Variants in DOCK3 observed in about 807,000 individuals in gnomAD.
DOCK3 encodes the protein dedicator of cytokinesis protein 3.
Under a neutral mutation model 265.6 loss-of-function variants are expected in DOCK3, and 60 were observed. The observed-to-expected ratio is 0.23, with a 90% CI of 0.18 to 0.28. The LOEUF is 0.28. DOCK3 is among the 10% of genes least tolerant of loss of function. DOCK3 has a pLI of 1.00. For synonymous variants in DOCK3, 881 were observed against 938.0 expected (o/e 0.94, Z 1.11); for missense variants, 1,981 against 2,594.3 (o/e 0.76, Z 5.14).
At chr3:51,074,244 C>T (rs1248249595) in intron 6 of DOCK3, among the ~76,000 whole-genome samples, 1 of 152,168 alleles carries the variant, frequency 6.6e-6, no homozygotes. Context: ...ATAATGAACA[C>T]ACACACAAAC....
chr3:51,297,532 A>G (rs1229190758), intron 27 of DOCK3, among the ~76,000 whole-genome samples: 2 of 152,196 alleles, frequency 1.3e-5, no homozygotes, highest in Non-Finnish European at 2.9e-5. Flanking sequence ...TTGAATAGAC[A>G]TTTCCCCAGA....
At chr3:50,789,528 T>C (rs879941042) in intron 2 of DOCK3, among the ~76,000 whole-genome samples, 6 of 152,216 alleles carry the variant, frequency 3.9e-5, no homozygotes, top group Admixed American at 3.9e-4. Context: ...CATTGTTTAC[T>C]TGTGGTCTTT....
At chr3:51,066,215 G>A (rs28470684) in intron 6 of DOCK3, among the ~76,000 whole-genome samples, 137,140 of 152,160 alleles carry the variant, frequency 0.9, 61,994 homozygotes, top group African/African-American at 0.95. Context: ...AAAAAAGAAC[G>A]GGGGAAATTC....
intron 21 of DOCK3, among the ~76,000 whole-genome samples, chr3:51,244,224 T>TC (rs1174488952): frequency 6.6e-6 from 1 of 151,714 alleles, no homozygotes; most frequent in Non-Finnish European, 1.5e-5. Flanking sequence ...GGATTTTTTT[T>TC]TTTCTGCAAA....
chr3:51,297,145 C>T (rs1255924975), intron 27 of DOCK3, among the ~76,000 whole-genome samples: 1 of 123,510 alleles, frequency 8.1e-6, no homozygotes, highest in South Asian at 2.8e-4. Context: ...AAAAAATCTA[C>T]ATGTAAAAGA....
chr3:50,929,404 T>C, intron 4 of DOCK3, among the ~76,000 whole-genome samples: 1 of 152,224 alleles, frequency 6.6e-6, no homozygotes, highest in South Asian at 2.1e-4. Context: ...TCCTTAGTCC[T>C]GCAGCTTGCT....
chr3:50,745,694 A>G (rs1410438027), intron 1 of DOCK3, among the ~76,000 whole-genome samples: 3 of 152,208 alleles, frequency 2.0e-5, no homozygotes, highest in African/African-American at 7.2e-5. Flanking sequence ...ATGAGCTACT[A>G]TCCCCGCTGT....
chr3:51,349,753 T>G (rs2085850360), intron 39 of DOCK3, among the ~76,000 whole-genome samples: 1 of 152,224 alleles, frequency 6.6e-6, no homozygotes, highest in Admixed American at 6.5e-5. Context: ...TATCTTAACT[T>G]GGAGTGAGTA....
intron 12 of DOCK3, among the ~76,000 whole-genome samples, chr3:51,177,484 T>C (rs868074164): frequency 6.6e-6 from 1 of 152,274 alleles, no homozygotes. Flanking sequence ...TAGGAAAAAT[T>C]TGGACATTTC....
intron 2 of DOCK3, among the ~76,000 whole-genome samples, chr3:50,815,457 T>A (rs1043214094): frequency 3.9e-5 from 6 of 152,240 alleles, no homozygotes; most frequent in Admixed American, 3.9e-4. Flanking sequence ...TTGGTTTTTG[T>A]ACCTCACTTC....
At chr3:50,749,085 T>C (rs1191504717) in intron 1 of DOCK3, among the ~76,000 whole-genome samples, 1 of 152,216 alleles carries the variant, frequency 6.6e-6, no homozygotes. Context: ...GTGTGTGATA[T>C]GCCTAGGAAA....
At chr3:51,204,943 A>G (rs1204933147) in intron 12 of DOCK3, among the ~76,000 whole-genome samples, 2 of 151,126 alleles carry the variant, frequency 1.3e-5, no homozygotes, top group African/African-American at 2.4e-5. Flanking sequence ...GCATGTTCTC[A>G]CTCATAGGTG....
chr3:50,848,578 T>C (rs1003835402), intron 3 of DOCK3, among the ~76,000 whole-genome samples: 23 of 152,220 alleles, frequency 1.5e-4, no homozygotes, highest in African/African-American at 5.1e-4. Context: ...AAATTCTTGG[T>C]TGGAATTTCT....
chr3:50,879,091 C>G (rs1386533453), intron 3 of DOCK3, among the ~76,000 whole-genome samples: 1 of 152,156 alleles, frequency 6.6e-6, no homozygotes, highest in Non-Finnish European at 1.5e-5. Flanking sequence ...GAGATTTTGT[C>G]ACCACCAGGC....
At chr3:51,358,551 A>C in intron 46 of DOCK3, among the ~76,000 whole-genome samples, 1 of 148,408 alleles carries the variant, frequency 6.7e-6, no homozygotes, top group African/African-American at 2.5e-5. Context: ...CCCTCTTTTT[A>C]CTCTTCCTCC....
chr3:51,309,210 C>T (rs1191394730), intron 27 of DOCK3, among the ~76,000 whole-genome samples: 2 of 152,216 alleles, frequency 1.3e-5, no homozygotes, highest in Admixed American at 6.5e-5. Context: ...GCAATCTCGG[C>T]ACTTTGGGAG....
intron 1 of DOCK3, among the ~76,000 whole-genome samples, chr3:50,748,974 G>A (rs948376554): frequency 1.3e-5 from 2 of 152,086 alleles, no homozygotes; most frequent in Non-Finnish European, 2.9e-5. Flanking sequence ...TTTTAGATCT[G>A]TTAGAAAATA....
chr3:50,842,075 T>G (rs1474903500), intron 3 of DOCK3, among the ~76,000 whole-genome samples: 1 of 152,186 alleles, frequency 6.6e-6, no homozygotes, highest in African/African-American at 2.4e-5. Context: ...TGGAAAATAT[T>G]TTCAAATAAT....
At chr3:50,741,458 T>A (rs1411021263) in intron 1 of DOCK3, among the ~76,000 whole-genome samples, 5 of 126,768 alleles carry the variant, frequency 3.9e-5, no homozygotes, top group African/African-American at 1.5e-4. Flanking sequence ...CAGAGTGTGA[T>A]GTTCCCCTCC....
Sources: gnomAD v4.1 joint callset for allele counts (sites outside exome capture counted in the v4.1 genomes callset) on GRCh38, gnomAD v4.1.1 for gene constraint, MANE v1.5 for transcripts, NCBI Gene and HGNC (gene_info 2026-07-23, HGNC 2026-07-21) for gene names.